The following SH3RF2 variants were observed in gnomAD, a reference collection of about 807,000 sequenced individuals.
SH3RF2 encodes the protein SH3 domain containing ring finger 2, also known as E3 ubiquitin-protein ligase SH3RF2.
Under a neutral mutation model 59.0 loss-of-function variants are expected in SH3RF2, and 43 were observed. That is an observed-to-expected ratio of 0.73 (90% CI 0.57 to 0.94). The LOEUF is 0.94. Ranked by LOEUF, SH3RF2 falls within the 40% of genes least tolerant of loss-of-function variation. The probability of loss-of-function intolerance (pLI) is 0.00; values close to 1 mark genes in which losing one functional copy is unlikely to be tolerated. For missense variants in SH3RF2, 930 were observed against 940.1 expected (o/e 0.99, Z 0.14); for synonymous variants, 391 against 391.5 (o/e 1.00, Z 0.01).
intron 2 of SH3RF2, among the ~76,000 whole-genome samples, chr5:145,990,669 G>T (rs1254123865): frequency 1.3e-5 from 2 of 152,196 alleles, no homozygotes; most frequent in African/African-American, 4.8e-5. Context: ...GTGGCTTCCA[G>T]ACCCTACTGA....
Position 145,938,272 on chromosome 5 carries a change from G to C in SH3RF2, c.344G>C (p.Arg115Pro). The C allele has an allele frequency of 6.3e-7, 1 of 1,583,906 alleles. No homozygotes were observed. Among genetic ancestry groups the C allele is most frequent in the South Asian group, 1.1e-5 (1 of 87,324 alleles). Reference sequence around the variant, plus strand: ...AGACGTCTGCAGGCCAGTCCTTTCCGGCTAGTGCCTAATGTCAGAATCCAC... The same window carrying C: ...AGACGTCTGCAGGCCAGTCCTTTCCCGCTAGTGCCTAATGTCAGAATCCAC... ...NPRRLQASPF[R>P]LVPNVRIHMD... The change falls in exon 2 of 10, where the codon CGG becomes CCG. Residue 115 changes from arginine (R) to proline (P), a missense_variant. By Grantham distance (103) the Arg-to-Pro change is moderately radical. Coordinates refer to ENST00000359120, the MANE Select transcript of SH3RF2 (RefSeq NM_152550.4).
intron 7 of SH3RF2, among the ~76,000 whole-genome samples, chr5:146,054,459 C>A (rs1422749564): frequency 1.3e-5 from 2 of 152,218 alleles, no homozygotes; most frequent in African/African-American, 4.8e-5. Flanking sequence ...GTTCAAAAGA[C>A]AGGCAGATCA....
intron 4 of SH3RF2, among the ~76,000 whole-genome samples, chr5:146,006,019 A>G (rs2149987723): frequency 6.6e-6 from 1 of 152,326 alleles, no homozygotes; most frequent in African/African-American, 2.4e-5. Flanking sequence ...AGTGCCTGCT[A>G]TGCCAGGACC....
At chr5:146,068,382 C>T (rs983634770) in intron 9 of SH3RF2, among the ~76,000 whole-genome samples, 19 of 152,162 alleles carry the variant, frequency 1.2e-4, no homozygotes, top group African/African-American at 2.4e-4. Context: ...AAGTGCTTAG[C>T]GAGCTGGCAC....
chr5:146,028,191 C>G (rs1761608510), intron 5 of SH3RF2, among the ~76,000 whole-genome samples: 1 of 78,274 alleles, frequency 1.3e-5, no homozygotes, highest in African/African-American at 3.0e-5. Context: ...CACACACACA[C>G]ACACACACAC....
At chr5:146,001,878 C>T (rs1179254054) in intron 3 of SH3RF2, among the ~76,000 whole-genome samples, 2 of 152,194 alleles carry the variant, frequency 1.3e-5, no homozygotes, top group Non-Finnish European at 2.9e-5. Flanking sequence ...AATACACAGA[C>T]TTCTAGGAAA....
At chr5:146,056,257 G>A in intron 8 of SH3RF2, 44 bp downstream of exon 8, 1 of 1,613,006 alleles carries the variant, frequency 6.2e-7, no homozygotes, top group South Asian at 1.1e-5. Context: ...TAAGTGATGG[G>A]GGGAATCTGA....
At chr5:145,988,513 A>T (rs193069707) in intron 2 of SH3RF2, among the ~76,000 whole-genome samples, 3 of 152,188 alleles carry the variant, frequency 2.0e-5, no homozygotes, top group Non-Finnish European at 4.4e-5. Context: ...CAAACTAAGG[A>T]TCAGGGATGC....
chr5:146,035,750 G>A (rs1414679806), intron 5 of SH3RF2, among the ~76,000 whole-genome samples: 2 of 152,148 alleles, frequency 1.3e-5, no homozygotes, highest in African/African-American at 2.4e-5. Context: ...CAGTCCATAC[G>A]AGAGGTGAGT....
At position 146,049,111 on chromosome 5, in the gene SH3RF2, C is replaced by G; in HGVS notation, c.1188C>G (p.Pro396=). 3 of 1,614,090 alleles carry G rather than the reference C, an allele frequency of 1.9e-6. No individual in the cohort carries two copies. Among genetic ancestry groups the G allele is most frequent in the South Asian group, 1.1e-5 (1 of 91,080 alleles). ...TGCACTCCTACTCAGCCCATGGACC[C>G]GATGAGCTGGACCTGCAAAAGGGAG... The part of the protein sequence containing the change: ...VALHSYSAHG[P]DELDLQKGEG... Residue 396 remains proline (P), a synonymous_variant, in exon 7 of 10, where the codon CCC becomes CCG. Coordinates refer to ENST00000359120, the MANE Select transcript of SH3RF2 (RefSeq NM_152550.4).
At chr5:146,004,838 A>T (rs1760574784) in intron 4 of SH3RF2, among the ~76,000 whole-genome samples, 1 of 152,158 alleles carries the variant, frequency 6.6e-6, no homozygotes, top group East Asian at 1.9e-4. Context: ...AAAGAGTTCT[A>T]AAGATCTGTT....
rs574743405 is a variant in SH3RF2 at position 146,048,996 on chromosome 5, T to A, written c.1152-79T>A. ...TTATTGCTAACCACTGGGCAGTCTC[T>A]CTCCACCATTCCCCCACTCCATGCC... is the stretch of plus-strand genomic sequence containing the variant. On this transcript the variant is annotated intron_variant, in intron 6 of 9. Transcript: ENST00000359120. 14 of 1,541,146 alleles carry A rather than the reference T, an allele frequency of 9.1e-6. No homozygotes were observed. The East Asian group carries it at 2.5e-4, about 27-fold the overall frequency.
chr5:145,973,949 C>G (rs963534624), intron 2 of SH3RF2, among the ~76,000 whole-genome samples: 1 of 152,232 alleles, frequency 6.6e-6, no homozygotes, highest in Non-Finnish European at 1.5e-5. Context: ...TAAAACAACA[C>G]ACACTTATTA....
chr5:145,957,556 G>A (rs1241228310), intron 2 of SH3RF2, among the ~76,000 whole-genome samples: 8 of 152,060 alleles, frequency 5.3e-5, no homozygotes, highest in Non-Finnish European at 1.2e-4. Flanking sequence ...TGTGAGGTGG[G>A]TACTATTATC....
At chr5:145,963,531 A>T (rs947289082) in intron 2 of SH3RF2, among the ~76,000 whole-genome samples, 1 of 152,212 alleles carries the variant, frequency 6.6e-6, no homozygotes, top group Non-Finnish European at 1.5e-5. Context: ...TGAGTGAGGG[A>T]TGAAAAATTT....
At chr5:146,080,451 G>T (rs917015241) in exon 10 of SH3RF2, 2 of 152,050 alleles carry the variant, frequency 1.3e-5, no homozygotes, top group African/African-American at 4.8e-5. Context: ...GTTTATAAAA[G>T]GGGTATAATG....
intron 2 of SH3RF2, among the ~76,000 whole-genome samples, chr5:145,961,676 G>T (rs1191004713): frequency 1.3e-5 from 2 of 152,320 alleles, no homozygotes; most frequent in East Asian, 3.9e-4. Context: ...CAGCAAGAAA[G>T]ATAAGTTGAT....
chr5:146,012,090 AG>A (rs541824834), intron 4 of SH3RF2, among the ~76,000 whole-genome samples: 1,792 of 152,286 alleles, frequency 0.012, 39 homozygotes, highest in African/African-American at 0.041. Context: ...TTTAGCATGA[AG>A]GGCTGTTGAA....
At chr5:146,019,444 T>C (rs1761226126) in intron 5 of SH3RF2, among the ~76,000 whole-genome samples, 1 of 152,210 alleles carries the variant, frequency 6.6e-6, no homozygotes. Flanking sequence ...ATTTCTGGGT[T>C]CTCTATTCTA....
Sources: gnomAD v4.1 joint callset for allele counts (sites outside exome capture counted in the v4.1 genomes callset) on GRCh38, gnomAD v4.1.1 for gene constraint, MANE v1.5 for transcripts, NCBI Gene and HGNC (gene_info 2026-07-23, HGNC 2026-07-21) for gene names.